The following CNGB3 variants were observed in gnomAD, a reference collection of about 807,000 sequenced individuals.
CNGB3 encodes cyclic nucleotide gated channel subunit beta 3.
A neutral mutation model predicts 92.8 loss-of-function variants in CNGB3; 86 were observed. That is an observed-to-expected ratio of 0.93 (90% confidence interval 0.78 to 1.11). The LOEUF (loss-of-function observed/expected upper bound fraction) is 1.11. Ranked by LOEUF, CNGB3 falls within the 50% of genes least tolerant of loss-of-function variation. The pLI, the probability that CNGB3 is intolerant of heterozygous loss-of-function variation, is 0.00. For synonymous variants in CNGB3, 333 were observed against 332.7 expected, an observed-to-expected ratio of 1.00 and a Z score of -0.01; for missense variants, 1,026 against 956.8, an observed-to-expected ratio of 1.07 and a Z score of -0.95.
intron 14 of CNGB3, among the ~76,000 whole-genome samples, chr8:86,609,790 G>A (rs1822483300): frequency 6.6e-6 from 1 of 151,874 alleles, no homozygotes; most frequent in African/African-American, 2.4e-5. Context: ...GCTCCATCTT[G>A]CCTCTCAGCT....
intron 13 of CNGB3, among the ~76,000 whole-genome samples, chr8:86,620,673 C>T (rs1257893308): frequency 1.3e-5 from 2 of 152,130 alleles, no homozygotes; most frequent in African/African-American, 2.4e-5. Context: ...TTTGTGCACT[C>T]AGCTCCCTGG....
intron 4 of CNGB3, among the ~76,000 whole-genome samples, chr8:86,670,042 G>T (rs368879328): frequency 2.0e-5 from 3 of 152,108 alleles, no homozygotes; most frequent in East Asian, 3.9e-4. Flanking sequence ...TAGAGACAGG[G>T]TTTCACCATG....
intron 3 of CNGB3, among the ~76,000 whole-genome samples, chr8:86,709,419 T>G (rs565004540): frequency 1.3e-5 from 2 of 152,292 alleles, no homozygotes; most frequent in East Asian, 3.9e-4. Context: ...TTGGCTGAGC[T>G]CAAACAGCCC....
chr8:86,634,228 T>C (rs1421986618), intron 10 of CNGB3, among the ~76,000 whole-genome samples: 1 of 152,210 alleles, frequency 6.6e-6, no homozygotes, highest in Non-Finnish European at 1.5e-5. Context: ...ACAACCATTC[T>C]GCTTTTCACT....
chr8:86,659,319 TC>T, intron 6 of CNGB3: 1 of 1,152,576 alleles, frequency 8.7e-7, no homozygotes, highest in Non-Finnish European at 1.3e-6. Flanking sequence ...CTGTGCCTGC[TC>T]CTCCATGGCC....
intron 3 of CNGB3, among the ~76,000 whole-genome samples, chr8:86,710,815 A>G (rs184551611): frequency 1.2e-4 from 18 of 152,330 alleles, no homozygotes; most frequent in African/African-American, 4.3e-4. Flanking sequence ...ATTAAAATAT[A>G]AAAGTGATTC....
chr8:86,638,609 A>G (rs1187045745), intron 10 of CNGB3, among the ~76,000 whole-genome samples: 7 of 152,074 alleles, frequency 4.6e-5, no homozygotes, highest in African/African-American at 1.7e-4. Context: ...AAGTGCTACA[A>G]AGGTAGGTGT....
At chr8:86,581,386 T>C (rs561257539) in intron 15 of CNGB3, among the ~76,000 whole-genome samples, 17 of 152,268 alleles carry the variant, frequency 1.1e-4, no homozygotes, top group Middle Eastern at 3.4e-3. Flanking sequence ...CACTCACACT[T>C]TTGTGGGATT....
intron 3 of CNGB3, among the ~76,000 whole-genome samples, chr8:86,719,643 CA>C (rs1824928459): frequency 1.3e-5 from 2 of 152,014 alleles, no homozygotes; most frequent in Admixed American, 1.3e-4. Context: ...CTAGAAAAAA[CA>C]ATTCTAAAAT....
intron 10 of CNGB3, among the ~76,000 whole-genome samples, chr8:86,640,993 C>G (rs1185475166): frequency 6.6e-6 from 1 of 151,940 alleles, no homozygotes; most frequent in East Asian, 1.9e-4. Context: ...GAGGTTGGCA[C>G]AAGATACAGG....
chr8:86,620,259 AAC>A (rs1445374142), intron 13 of CNGB3, among the ~76,000 whole-genome samples: 4 of 152,196 alleles, frequency 2.6e-5, no homozygotes, highest in African/African-American at 9.7e-5. Flanking sequence ...GGGCTGCCAT[AAC>A]AAAGTTATAC....
rs1823266488 is a variant in CNGB3, at chr8:86,644,802, TA to T, written c.991-117del. The stretch of plus-strand genomic sequence containing the variant: ...AAATAATTTCATTCATATGTCTTTT[TA>T]AAAAAACCAAGATCCTGTTTAGTGA... On this transcript the variant is annotated intron_variant, in intron 8 of 17. Coordinates refer to ENST00000320005, the MANE Select transcript of CNGB3 (RefSeq NM_019098.5). The T allele has an allele frequency of 1.8e-5, 13 of 727,180 alleles. 1 individual carries two copies. Among genetic ancestry groups the T allele is most frequent in the Non-Finnish European group, 2.4e-5 (13 of 536,182 alleles). The allele number at this position is 727,180 out of a possible 1,614,324, so 45.0% of individuals were successfully genotyped here.
intron 3 of CNGB3, chr8:86,708,002 A>G (rs1824681003): frequency 6.6e-6 from 1 of 152,136 alleles, no homozygotes; most frequent in South Asian, 2.1e-4. Flanking sequence ...GAGGTAAGGG[A>G]AATTAAGAGT....
chr8:86,639,791 C>G (rs1365231605), intron 10 of CNGB3, among the ~76,000 whole-genome samples: 1 of 151,982 alleles, frequency 6.6e-6, no homozygotes, highest in South Asian at 2.1e-4. Context: ...ATTTTCATTG[C>G]AAGGGTGGCA....
At chr8:86,648,221 T>C (rs112864259) in intron 7 of CNGB3, among the ~76,000 whole-genome samples, 258 of 151,324 alleles carry the variant, frequency 1.7e-3, no homozygotes, top group Non-Finnish European at 3.3e-3. Flanking sequence ...GTTTTTAACA[T>C]GGGGCTCTTC....
chr8:86,661,526 T>C, intron 6 of CNGB3: 2 of 671,520 alleles, frequency 3.0e-6, no homozygotes, highest in Admixed American at 3.8e-5. Context: ...CACATTTAAA[T>C]GGCCTTGACT....
intron 3 of CNGB3, among the ~76,000 whole-genome samples, chr8:86,672,000 A>G (rs574654970): frequency 6.6e-6 from 1 of 152,170 alleles, no homozygotes; most frequent in Non-Finnish European, 1.5e-5. Context: ...TTCAACTTTT[A>G]TTTTTGGGTG....
intron 3 of CNGB3, among the ~76,000 whole-genome samples, chr8:86,699,875 T>C (rs1824519449): frequency 6.6e-6 from 1 of 152,168 alleles, no homozygotes; most frequent in African/African-American, 2.4e-5. Context: ...GAATCTAAAA[T>C]ACAGTTTATT....
rs1243830252 is a variant in CNGB3 at position 86,701,147 on chromosome 8, A to C, written c.338+25384T>G. The stretch of plus-strand genomic sequence containing the variant: ...CCTGTTATTTTCTATTTTAACAGCT[A>C]TGAGCTCATAATTCTTTCAATTAAA... On this transcript the variant is annotated intron_variant, in intron 3 of 17. Coordinates refer to ENST00000320005, the MANE Select transcript of CNGB3 (RefSeq NM_019098.5). Among the ~76,000 whole-genome samples, 4 of 152,156 alleles carry C rather than the reference A, an allele frequency of 2.6e-5. No individual in the cohort carries two copies. The East Asian group carries it at 7.7e-4, about 29-fold the overall frequency.
Sources: gnomAD v4.1 joint callset for allele counts (sites outside exome capture counted in the v4.1 genomes callset) on GRCh38, gnomAD v4.1.1 for gene constraint, MANE v1.5 for transcripts, NCBI Gene and HGNC (gene_info 2026-07-23, HGNC 2026-07-21) for gene names.